Variants in UNC80 observed in about 807,000 individuals in gnomAD.
UNC80 encodes unc-80 subunit of NALCN channel complex, also known as protein unc-80 homolog.
Under a neutral mutation model 384.6 loss-of-function variants are expected in UNC80, and 164 were observed. That is an observed-to-expected ratio of 0.43 (90% confidence interval 0.38 to 0.49). The LOEUF is 0.49. UNC80 is among the 20% of genes least tolerant of loss of function. The pLI is 0.00. For synonymous variants in UNC80, 1,486 were observed against 1,527.8 expected (o/e 0.97, Z 0.64); for missense variants, 3,330 against 4,143.0 (o/e 0.80, Z 5.39).
At chr2:209,779,366 C>T (rs1301927316) in intron 4 of UNC80, among the ~76,000 whole-genome samples, 2 of 152,144 alleles carry the variant, frequency 1.3e-5, no homozygotes, top group South Asian at 2.1e-4. Flanking sequence ...CTACCTTCTA[C>T]ACTCAGATTT....
intron 8 of UNC80, 56 bp downstream of exon 8, chr2:209,813,897 C>T: frequency 1.3e-6 from 2 of 1,523,442 alleles, no homozygotes; most frequent in Middle Eastern, 1.7e-4. Context: ...ATAATGGATT[C>T]TTTTTTTCTC....
intron 26 of UNC80, among the ~76,000 whole-genome samples, chr2:209,892,757 TATTTC>T (rs2086463616): frequency 6.6e-6 from 1 of 152,244 alleles, no homozygotes; most frequent in South Asian, 2.1e-4. Context: ...GTTTCAAACA[TATTTC>T]AGATAGGTGA....
chr2:209,928,458 T>A (rs2090603046), intron 36 of UNC80, among the ~76,000 whole-genome samples: 1 of 152,216 alleles, frequency 6.6e-6, no homozygotes, highest in South Asian at 2.1e-4. Context: ...ATTTTTCTCT[T>A]TGCATTTTTT....
Position 209,939,550 on chromosome 2 carries a change from A to C in UNC80, c.6544A>C (p.Lys2182Gln), listed in dbSNP as rs1461770419. 3 of 1,551,736 alleles carry C rather than the reference A, an allele frequency of 1.9e-6. No individual in the cohort carries two copies. Among genetic ancestry groups the C allele is most frequent in the South Asian group, 2.4e-5 (2 of 84,036 alleles). Reference sequence around the variant, plus strand: ...AACCCAGAAGATCCCCACAGCCCACAAACAGTCCCACGTCTCCATGCTTCA... The same window carrying C: ...AACCCAGAAGATCCCCACAGCCCACCAACAGTCCCACGTCTCCATGCTTCA... ...SLTQKIPTAHKQSHVSMLQED... is the reference protein window; with the variant it reads ...SLTQKIPTAHQQSHVSMLQED... Residue 2182 changes from lysine (K) to glutamine (Q), a missense_variant, in exon 43 of 65, where the codon AAA becomes CAA. Transcript: ENST00000673920.
chr2:209,777,348 A>C lies in UNC80; in HGVS notation c.389A>C (p.Glu130Ala). The C allele has an allele frequency of 6.2e-7, 1 of 1,614,160 alleles. No homozygotes were observed. Among genetic ancestry groups the C allele is most frequent in the South Asian group, 1.1e-5 (1 of 91,076 alleles). ...LLEAPQDCNN[E>A]RFGGTDRGSS... ...GAGGCCCCCCAGGACTGCAACAATG[A>C]GCGGTTTGGGGGTACAGACCGAGGC... is the stretch of plus-strand genomic sequence containing the variant. The change falls in exon 4 of 65, where the codon GAG (glutamate) becomes GCG (alanine). Residue 130 changes from glutamate (E) to alanine (A), a missense_variant. Transcript: ENST00000673920.
chr2:209,919,350 T>G (rs2089843628), intron 33 of UNC80, among the ~76,000 whole-genome samples: 1 of 152,194 alleles, frequency 6.6e-6, no homozygotes, highest in African/African-American at 2.4e-5. Context: ...TTTGCACAAA[T>G]TTATCATTGT....
At chr2:209,910,463 C>T (rs773193675) in intron 29 of UNC80, among the ~76,000 whole-genome samples, 1 of 151,950 alleles carries the variant, frequency 6.6e-6, no homozygotes, top group African/African-American at 2.4e-5. Flanking sequence ...AGCTTATCAC[C>T]TTGATGTGAA....
At chr2:209,841,628 G>A (rs1344602172) in intron 20 of UNC80, among the ~76,000 whole-genome samples, 1 of 152,142 alleles carries the variant, frequency 6.6e-6, no homozygotes, top group Non-Finnish European at 1.5e-5. Flanking sequence ...GGGATTACAG[G>A]TGTGAGCCAC....
rs558326476 is a variant in UNC80 at position 209,995,908 on chromosome 2, C to T, written c.*313C>T. On this transcript the variant is annotated 3_prime_UTR_variant, in exon 65 of 65. Coordinates refer to ENST00000673920, the MANE Select transcript of UNC80 (RefSeq NM_001371986.1). ...AGTTAAAAATATATACTATTCATTG[C>T]TGCTTTCATAGAAATATTAACAAAT... The T allele has an allele frequency of 5.1e-5, 11 of 215,496 alleles. No individual in the cohort carries two copies. In the South Asian group the frequency reaches 1.0e-3, roughly 20 times the overall value. The allele number at this position is 215,496 out of a possible 1,614,324, so 13.3% of individuals were successfully genotyped here.
rs1053359609 is a variant in UNC80, at chr2:209,978,792, C to A, written c.9118+84C>A. ...TGGGAAGGATTACTGCCCTTCTGAC[C>A]TTTTCCGCTTCTGATCCCCTAGTCA... On this transcript the variant is annotated intron_variant, in intron 59 of 64. Coordinates refer to ENST00000673920, the MANE Select transcript of UNC80 (RefSeq NM_001371986.1). The A allele has an allele frequency of 4.7e-6, 6 of 1,268,970 alleles. No homozygotes were observed. In the African/African-American group the frequency reaches 7.5e-5, roughly 16 times the overall value. The allele number at this position is 1,268,970 out of a possible 1,614,324, so 78.6% of individuals were successfully genotyped here.
chr2:209,857,196 A>T lies in UNC80; in HGVS notation c.3627+7573A>T, dbSNP rs185575860. 1.1e-3 allele frequency among the ~76,000 whole-genome samples: 162 copies of T among 152,276 alleles called. 1 individual carries two copies. The highest frequency in any genetic ancestry group is 3.5e-3 in the African/African-American group (147 of 41,570). Reference sequence around the variant, plus strand: ...GCTAGTCGAGGCTCTTCGTTCTTCCACATGAAATTTTATAGTTAGCTTATC... The same window carrying T: ...GCTAGTCGAGGCTCTTCGTTCTTCCTCATGAAATTTTATAGTTAGCTTATC... On this transcript the variant is annotated intron_variant, in intron 22 of 64. Transcript: ENST00000673920.
chr2:209,824,303 G>A (rs1000759381), intron 13 of UNC80, among the ~76,000 whole-genome samples: 3 of 152,238 alleles, frequency 2.0e-5, no homozygotes, highest in East Asian at 1.9e-4. Context: ...GAAGATATGC[G>A]TGCAGGCAAT....
intron 28 of UNC80, among the ~76,000 whole-genome samples, chr2:209,901,561 T>C (rs2087405017): frequency 6.6e-6 from 1 of 152,216 alleles, no homozygotes; most frequent in Non-Finnish European, 1.5e-5. Context: ...CTTTCATGCC[T>C]GCTAATGCAG....
At chr2:209,991,626 C>T (rs772917021) in intron 61 of UNC80, among the ~76,000 whole-genome samples, 4 of 152,150 alleles carry the variant, frequency 2.6e-5, no homozygotes, top group Non-Finnish European at 4.4e-5. Context: ...CATTTGTTTA[C>T]CCATGTGACT....
At chr2:209,815,179 T>G (rs2079641707) in intron 8 of UNC80, 78 bp from the exon 9 acceptor site, 1 of 1,436,118 alleles carries the variant, frequency 7.0e-7, no homozygotes, top group Non-Finnish European at 9.4e-7. Context: ...GCATCCCTAT[T>G]AAAAATGTGA....
chr2:209,936,939 A>G lies in UNC80; in HGVS notation c.6363+6A>G, dbSNP rs2091287103. On this transcript the variant is annotated splice_donor_region_variant and intron_variant, in intron 41 of 64. Transcript: ENST00000673920. ...ACCTTATCCACTACAATAAGGTGAG[A>G]CACCAGTAGTGACATCCCCGTTGAG... is the stretch of plus-strand genomic sequence containing the variant. 1.3e-6 allele frequency: 2 copies of G among 1,530,450 alleles called. No individual in the cohort carries two copies. Among genetic ancestry groups the G allele is most frequent in the Non-Finnish European group, 1.8e-6 (2 of 1,127,794 alleles). The allele number at this position is 1,530,450 out of a possible 1,614,324, so 94.8% of individuals were successfully genotyped here.
chr2:209,888,382 T>C, intron 26 of UNC80, 122 bp downstream of exon 26: 5 of 1,052,048 alleles, frequency 4.8e-6, no homozygotes, highest in Middle Eastern at 2.2e-4. Context: ...ATACTGACTG[T>C]GTAGGCTTTA....
At chr2:209,862,132 G>A (rs1474641090) in intron 22 of UNC80, among the ~76,000 whole-genome samples, 1 of 152,176 alleles carries the variant, frequency 6.6e-6, no homozygotes, top group Admixed American at 6.5e-5. Flanking sequence ...ATGTTAGGGT[G>A]TCGATTTGAG....
rs1242380174 is a variant in UNC80 at position 209,777,421 on chromosome 2, C to T, written c.462C>T (p.Asn154=). The change falls in exon 4 of 65, where the codon AAC becomes AAT. Residue 154 remains asparagine, a synonymous_variant. Coordinates refer to ENST00000673920, the MANE Select transcript of UNC80 (RefSeq NM_001371986.1). ...GTGCTTTCATCCACCAGGTTGAAAA[C>T]CAGGGTTCTCCAGGGCAGCCTTGCC... ...SSSAFIHQVE[N]QGSPGQPCQS... is the part of the protein sequence containing the mutation. 19 of 1,614,044 alleles carry T rather than the reference C, an allele frequency of 1.2e-5. No homozygotes were observed. In the Middle Eastern group the frequency reaches 6.6e-4, roughly 56 times the overall value.
Sources: gnomAD v4.1 joint callset for allele counts (sites outside exome capture counted in the v4.1 genomes callset) on GRCh38, gnomAD v4.1.1 for gene constraint, MANE v1.5 for transcripts, NCBI Gene and HGNC (gene_info 2026-07-23, HGNC 2026-07-21) for gene names.